The following ROBO2 variants were observed in gnomAD, a reference collection of about 807,000 sequenced individuals.
The protein encoded by ROBO2 is roundabout homolog 2.
A neutral mutation model predicts 160.8 loss-of-function variants in ROBO2; 53 were observed. That is an observed-to-expected ratio of 0.33 (90% CI 0.26 to 0.41). The LOEUF (loss-of-function observed/expected upper bound fraction) is 0.41. ROBO2 is among the 10% of genes least tolerant of loss of function. The probability of loss-of-function intolerance (pLI) is 1.00; values close to 1 mark genes in which losing one functional copy is unlikely to be tolerated. For missense variants in ROBO2, 1,577 were observed against 1,722.4 expected (o/e 0.92, Z 1.49); for synonymous variants, 664 against 611.7 (o/e 1.09, Z -1.26).
At chr3:76,329,591 T>A (rs1046524221) in intron 2 of ROBO2, among the ~76,000 whole-genome samples, 10 of 152,224 alleles carry the variant, frequency 6.6e-5, no homozygotes, top group Admixed American at 6.5e-4. Flanking sequence ...AAGTTAGTTA[T>A]CTTCACCTGT....
chr3:76,137,475 A>T (rs1001855735), intron 2 of ROBO2, among the ~76,000 whole-genome samples: 2 of 151,988 alleles, frequency 1.3e-5, no homozygotes, highest in Non-Finnish European at 2.9e-5. Context: ...AATTCAGATG[A>T]TTCTGATGTT....
intron 2 of ROBO2, among the ~76,000 whole-genome samples, chr3:76,660,610 A>G (rs2091775138): frequency 6.6e-6 from 1 of 152,172 alleles, no homozygotes; most frequent in South Asian, 2.1e-4. Context: ...GCTGTTATCC[A>G]CTCACATGTA....
At chr3:77,554,554 A>G (rs2093039868) in intron 8 of ROBO2, among the ~76,000 whole-genome samples, 1 of 152,026 alleles carries the variant, frequency 6.6e-6, no homozygotes, top group South Asian at 2.1e-4. Context: ...TTTATGATTT[A>G]TGGGAGGAGG....
chr3:76,856,680 A>G (rs1260983873), intron 2 of ROBO2, among the ~76,000 whole-genome samples: 2 of 152,176 alleles, frequency 1.3e-5, no homozygotes, highest in African/African-American at 4.8e-5. Context: ...TTCATTCCCA[A>G]CAAGTTCTCA....
At chr3:77,118,392 C>CAGTTGTA (rs2074411008) in intron 2 of ROBO2, among the ~76,000 whole-genome samples, 2 of 152,158 alleles carry the variant, frequency 1.3e-5, no homozygotes. Flanking sequence ...TTCATTTGAG[C>CAGTTGTA]AGTTGTAGGG....
At chr3:77,087,249 T>A (rs1253743364) in intron 1 of ROBO2, among the ~76,000 whole-genome samples, 2 of 152,170 alleles carry the variant, frequency 1.3e-5, no homozygotes, top group Non-Finnish European at 2.9e-5. Context: ...TTTTAGAAAA[T>A]TAAACATTAT....
chr3:76,555,456 G>T (rs1308484443), intron 2 of ROBO2, among the ~76,000 whole-genome samples: 1 of 146,928 alleles, frequency 6.8e-6, no homozygotes, highest in Non-Finnish European at 1.5e-5. Flanking sequence ...AAGAGGAAGA[G>T]GAAGAGGGAA....
intron 2 of ROBO2, among the ~76,000 whole-genome samples, chr3:75,978,451 A>T (rs908470051): frequency 6.6e-6 from 1 of 151,570 alleles, no homozygotes; most frequent in Non-Finnish European, 1.5e-5. Flanking sequence ...CCAAAATTTT[A>T]CCTATGTTTT....
At chr3:77,184,254 C>CT (rs910127286) in intron 2 of ROBO2, among the ~76,000 whole-genome samples, 4 of 151,952 alleles carry the variant, frequency 2.6e-5, no homozygotes, top group African/African-American at 9.7e-5. Flanking sequence ...TTGTGAAATA[C>CT]TGGGTCTTTT....
At chr3:76,792,633 C>T (rs745701743) in intron 2 of ROBO2, among the ~76,000 whole-genome samples, 3 of 151,462 alleles carry the variant, frequency 2.0e-5, no homozygotes, top group Non-Finnish European at 4.4e-5. Context: ...TGGAAAGTAG[C>T]TGTCACATTG....
At chr3:76,448,474 T>C (rs567855204) in intron 2 of ROBO2, among the ~76,000 whole-genome samples, 1 of 152,260 alleles carries the variant, frequency 6.6e-6, no homozygotes, top group African/African-American at 2.4e-5. Context: ...GTGTCCTTCC[T>C]GTTGAAGGGC....
chr3:76,546,670 T>C (rs1473661704), intron 2 of ROBO2, among the ~76,000 whole-genome samples: 1 of 151,986 alleles, frequency 6.6e-6, no homozygotes. Context: ...CCTCAATTTA[T>C]GGCAATTTAT....
chr3:75,974,980 C>T (rs1576350154), intron 2 of ROBO2, among the ~76,000 whole-genome samples: 1 of 151,178 alleles, frequency 6.6e-6, no homozygotes, highest in Non-Finnish European at 1.5e-5. Flanking sequence ...TTTAACCTGT[C>T]CTCAAAATAT....
chr3:77,126,185 T>A (rs1317263894), intron 2 of ROBO2, among the ~76,000 whole-genome samples: 1 of 152,204 alleles, frequency 6.6e-6, no homozygotes, highest in East Asian at 1.9e-4. Flanking sequence ...CTCATTACAG[T>A]CAGAATTGTG....
Position 77,479,828 on chromosome 3 carries a change from C to T in ROBO2, c.547-1271C>T, listed in dbSNP as rs115763441. Among the ~76,000 whole-genome samples the T allele has an allele frequency of 4.6e-3, 706 of 152,226 alleles. 3 individuals are homozygous for T. The highest frequency in any genetic ancestry group is 0.015 in the African/African-American group (618 of 41,542). On this transcript the variant is annotated intron_variant, in intron 3 of 25. Transcript: ENST00000461745. ...TGGTTGACTCTCAGCTGGGTATCTT[C>T]GTTCCCCTCCTTATGATCTCTAATT...
At chr3:76,551,937 G>T (rs2083447415) in intron 2 of ROBO2, among the ~76,000 whole-genome samples, 1 of 152,192 alleles carries the variant, frequency 6.6e-6, no homozygotes, top group African/African-American at 2.4e-5. Context: ...TGCTGGATCT[G>T]GTCTGGCAGT....
chr3:77,582,262 C>A (rs548712734), intron 16 of ROBO2, among the ~76,000 whole-genome samples: 2 of 152,260 alleles, frequency 1.3e-5, no homozygotes, highest in East Asian at 3.9e-4. Context: ...CCACCACACC[C>A]GGCTAACTTT....
intron 2 of ROBO2, among the ~76,000 whole-genome samples, chr3:77,436,996 T>G (rs956045515): frequency 7.9e-5 from 12 of 152,002 alleles, no homozygotes; most frequent in African/African-American, 2.7e-4. Context: ...ACACATGATT[T>G]TCTACTTTTG....
chr3:77,417,928 T>C (rs1209840505), intron 2 of ROBO2, among the ~76,000 whole-genome samples: 1 of 151,590 alleles, frequency 6.6e-6, no homozygotes, highest in Non-Finnish European at 1.5e-5. Context: ...GTTACATATT[T>C]TTTAAAGTTT....
Sources: allele counts gnomAD v4.1 joint callset (sites outside exome capture counted in the v4.1 genomes callset), GRCh38; gene constraint gnomAD v4.1.1; transcripts MANE v1.5; gene names NCBI Gene and HGNC (gene_info 2026-07-23, HGNC 2026-07-21).